Variants in ZNF567 observed in about 807,000 individuals in gnomAD.
The protein encoded by ZNF567 is zinc finger protein 567.
ZNF567 carries 36 observed loss-of-function variants against 53.9 expected under a neutral mutation model. The ratio of observed to expected loss-of-function variants is 0.67; its 90% confidence interval spans 0.51 to 0.88. ZNF567 has a LOEUF of 0.88. Among genes scored for constraint, ZNF567 ranks in the 40% least tolerant of loss-of-function variants. ZNF567 has a pLI of 0.00. For synonymous variants in ZNF567, 224 were observed against 260.4 expected (o/e 0.86, Z 1.35); for missense variants, 619 against 764.7 (o/e 0.81, Z 2.25).
At chr19:36,678,941 C>T in the ZNF567 span, among the ~76,000 whole-genome samples, 1 of 151,858 alleles carries the variant, frequency 6.6e-6, no homozygotes, top group Non-Finnish European at 1.5e-5. Flanking sequence ...ATGGCCAGCA[C>T]ATATACGAAA....
chr19:36,726,917 G>A (rs1317218137), downstream of ZNF567, among the ~76,000 whole-genome samples: 1 of 150,762 alleles, frequency 6.6e-6, no homozygotes, highest in East Asian at 1.9e-4. Context: ...TCCCTACTCA[G>A]CCTTTGCAAG....
intron 3 of ZNF567, among the ~76,000 whole-genome samples, chr19:36,706,699 G>C (rs73609113): frequency 0.29 from 39,859 of 135,690 alleles, 6,464 homozygotes; most frequent in East Asian, 0.57. Flanking sequence ...TTTGAGACAG[G>C]ATCTTGTTCT....
chr19:36,724,269 G>A (rs376007442), downstream of ZNF567, among the ~76,000 whole-genome samples: 4 of 151,756 alleles, frequency 2.6e-5, no homozygotes, highest in African/African-American at 9.7e-5. Flanking sequence ...GCCTCCCAAA[G>A]TGCTGGGATT....
intron 3 of ZNF567, among the ~76,000 whole-genome samples, chr19:36,698,446 G>A (rs2039005527): frequency 6.6e-6 from 1 of 151,414 alleles, no homozygotes; most frequent in Non-Finnish European, 1.5e-5. Flanking sequence ...ACCCAGTAAT[G>A]GGATGGCTGG....
downstream of ZNF567, chr19:36,723,404 ACT>A (rs2040320310): frequency 1.7e-6 from 1 of 597,854 alleles, no homozygotes; most frequent in African/African-American, 1.9e-5. Context: ...ATAGCCATGT[ACT>A]GTTTCAGTAG....
chr19:36,682,647 G>A (rs12610555), upstream of ZNF567, among the ~76,000 whole-genome samples: 18,497 of 145,432 alleles, frequency 0.13, 1,939 homozygotes, highest in East Asian at 0.56. Context: ...TCACTCTGCC[G>A]CCCAAGCTGG....
chr19:36,689,526 C>A (rs757185457), intron 2 of ZNF567, 29 bp downstream of exon 2: 2 of 152,082 alleles, frequency 1.3e-5, no homozygotes, highest in African/African-American at 2.4e-5. Context: ...TCCAAGAGAA[C>A]CTGCTGCTTG....
intron 2 of ZNF567, among the ~76,000 whole-genome samples, chr19:36,691,609 AAATTT>A (rs2038615270): frequency 6.6e-6 from 1 of 152,210 alleles, no homozygotes. Context: ...ACCATCACCC[AAATTT>A]AAAAAGAAAA....
chr19:36,669,610 G>C, the ZNF567 span, among the ~76,000 whole-genome samples: 1 of 152,152 alleles, frequency 6.6e-6, no homozygotes, highest in Non-Finnish European at 1.5e-5. Flanking sequence ...TAACCAACCT[G>C]CCACCAGAGA....
chr19:36,706,671 TTTTTTTTTTG>T (rs2039506681), intron 3 of ZNF567, among the ~76,000 whole-genome samples: 1 of 118,904 alleles, frequency 8.4e-6, no homozygotes. Flanking sequence ...TACTGTTGGT[TTTTTTTTTTG>T]TTTTTTTTTT....
chr19:36,719,149 A>G lies in ZNF567; in HGVS notation c.425A>G (p.Lys142Arg). The G allele has an allele frequency of 1.2e-6, 2 of 1,611,690 alleles. No individual in the cohort carries two copies. The highest frequency in any genetic ancestry group is 1.7e-6 in the Non-Finnish European group (2 of 1,179,418). The stretch of plus-strand genomic sequence containing the variant: ...TATGATACTCATGGAAGGATTTTGA[A>G]AAATGTTTCAGAATTAATCATCAGT... ...PEYDTHGRILKNVSELIISNL... is the reference protein window; with the variant it reads ...PEYDTHGRILRNVSELIISNL... The change falls in exon 6 of 6, where the codon AAA becomes AGA. Residue 142 changes from lysine (K) to arginine (R), a missense_variant. Coordinates refer to ENST00000682579, the MANE Select transcript of ZNF567 (RefSeq NM_001322917.1).
chr19:36,697,614 CTTT>C (rs961460171), intron 3 of ZNF567, among the ~76,000 whole-genome samples: 1 of 141,834 alleles, frequency 7.1e-6, no homozygotes, highest in Non-Finnish European at 1.6e-5. Context: ...ATTTTTTTTT[CTTT>C]TTTTTTTTTT....
At chr19:36,703,361 C>T (rs549328568) in intron 3 of ZNF567, among the ~76,000 whole-genome samples, 70 of 152,234 alleles carry the variant, frequency 4.6e-4, no homozygotes, top group Non-Finnish European at 8.1e-4. Context: ...CCCAGTTAGG[C>T]TGCTCGGGGG....
intron 5 of ZNF567, among the ~76,000 whole-genome samples, chr19:36,715,513 ATTATT>A (rs1568711688): frequency 4.5e-3 from 151 of 33,510 alleles, no homozygotes; most frequent in African/African-American, 5.0e-3. Flanking sequence ...AATAATAATT[ATTATT>A]ATTATTATTA....
upstream of ZNF567, chr19:36,686,403 C>T (rs1314965733): frequency 6.6e-6 from 1 of 152,136 alleles, no homozygotes; most frequent in African/African-American, 2.4e-5. Flanking sequence ...CACACGAGCT[C>T]TCATCATCTA....
At chr19:36,667,849 T>C in the ZNF567 span, among the ~76,000 whole-genome samples, 2 of 151,554 alleles carry the variant, frequency 1.3e-5, no homozygotes, top group African/African-American at 4.8e-5. Flanking sequence ...CGGGGTTTCA[T>C]CGTGTTAGCC....
chr19:36,674,575 A>G, the ZNF567 span, among the ~76,000 whole-genome samples: 1,429 of 152,318 alleles, frequency 9.4e-3, 23 homozygotes, highest in African/African-American at 0.033. Flanking sequence ...TCCTTCTGTC[A>G]AGAAGGCATA....
At chr19:36,713,318 A>T (rs1266535123) in intron 5 of ZNF567, among the ~76,000 whole-genome samples, 7 of 152,018 alleles carry the variant, frequency 4.6e-5, no homozygotes, top group Non-Finnish European at 8.8e-5. Context: ...TTAGCTGGGC[A>T]TGGTGGTGTG....
chr19:36,696,168 T>A (rs1465020368), intron 3 of ZNF567, among the ~76,000 whole-genome samples: 2 of 152,236 alleles, frequency 1.3e-5, no homozygotes. Context: ...TAGACTGCCA[T>A]ACTAAACTAG....
Sources: allele counts gnomAD v4.1 joint callset (sites outside exome capture counted in the v4.1 genomes callset), GRCh38; gene constraint gnomAD v4.1.1; transcripts MANE v1.5; gene names NCBI Gene and HGNC (gene_info 2026-07-23, HGNC 2026-07-21).